Variants in ZFHX3 observed in about 807,000 individuals in gnomAD.
ZFHX3 encodes zinc finger homeobox protein 3.
ZFHX3 carries 42 observed loss-of-function variants against 279.1 expected under a neutral mutation model. The observed-to-expected ratio is 0.15, with a 90% confidence interval of 0.12 to 0.19. The LOEUF (loss-of-function observed/expected upper bound fraction) is 0.19, where lower values mean the gene tolerates loss of function less well. ZFHX3 is among the 10% of genes least tolerant of loss of function. ZFHX3 has a pLI of 1.00. For missense variants in ZFHX3, 4,981 were observed against 4,754.0 expected (o/e 1.05, Z -1.40); for synonymous variants, 2,293 against 1,957.8 (o/e 1.17, Z -4.52).
chr16:73,305,397 C>A (rs1567445374), intron 4 of ZFHX3, among the ~76,000 whole-genome samples: 2 of 152,080 alleles, frequency 1.3e-5, no homozygotes, highest in South Asian at 2.1e-4. Context: ...AGATACCGGG[C>A]AATCAGTCCA....
intron 3 of ZFHX3, among the ~76,000 whole-genome samples, chr16:73,324,368 T>C (rs946800418): frequency 1.3e-5 from 2 of 152,232 alleles, no homozygotes; most frequent in African/African-American, 4.8e-5. Flanking sequence ...TGTGGTAGAC[T>C]TGACTACAGT....
intron 4 of ZFHX3, among the ~76,000 whole-genome samples, chr16:73,278,214 T>C (rs1201437282): frequency 6.6e-6 from 1 of 152,248 alleles, no homozygotes; most frequent in African/African-American, 2.4e-5. Flanking sequence ...ATAATTATAC[T>C]GATATTCTCC....
chr16:73,361,907 C>T (rs1384743028), intron 3 of ZFHX3, among the ~76,000 whole-genome samples: 1 of 152,142 alleles, frequency 6.6e-6, no homozygotes, highest in Non-Finnish European at 1.5e-5. Context: ...TCAACACTGA[C>T]ATGGTCTGAA....
At chr16:73,409,003 G>A (rs2017416881) in intron 3 of ZFHX3, among the ~76,000 whole-genome samples, 1 of 152,132 alleles carries the variant, frequency 6.6e-6, no homozygotes, top group Non-Finnish European at 1.5e-5. Flanking sequence ...GACTCCCACT[G>A]TTAGTTTAAA....
At chr16:73,531,396 A>T (rs2019799448) in intron 2 of ZFHX3, among the ~76,000 whole-genome samples, 1 of 152,142 alleles carries the variant, frequency 6.6e-6, no homozygotes, top group Non-Finnish European at 1.5e-5. Context: ...ATTTTTATGC[A>T]GGAATTGTCT....
intron 4 of ZFHX3, among the ~76,000 whole-genome samples, chr16:73,263,116 C>T (rs1157978390): frequency 2.6e-5 from 4 of 151,848 alleles, no homozygotes; most frequent in African/African-American, 7.3e-5. Context: ...TGTTACACAG[C>T]GAAAGCTAAC....
intron 5 of ZFHX3, among the ~76,000 whole-genome samples, chr16:73,225,674 G>C (rs1408100405): frequency 6.6e-6 from 1 of 152,112 alleles, no homozygotes; most frequent in African/African-American, 2.4e-5. Flanking sequence ...GTTCAGGTAG[G>C]GGTACTGAAG....
At chr16:73,671,615 G>C (rs544829816) in intron 2 of ZFHX3, among the ~76,000 whole-genome samples, 1 of 152,344 alleles carries the variant, frequency 6.6e-6, no homozygotes, top group East Asian at 1.9e-4. Context: ...ACATGTACAT[G>C]GGAGCTGGGA....
chr16:73,194,245 G>T (rs1327031882), intron 5 of ZFHX3, among the ~76,000 whole-genome samples: 1 of 152,014 alleles, frequency 6.6e-6, no homozygotes, highest in Non-Finnish European at 1.5e-5. Flanking sequence ...TGTCACCCAG[G>T]CTGGAGTGCA....
chr16:73,272,300 T>A (rs1047484753), intron 4 of ZFHX3, among the ~76,000 whole-genome samples: 19 of 152,336 alleles, frequency 1.2e-4, no homozygotes, highest in African/African-American at 4.3e-4. Flanking sequence ...TTCTATATTT[T>A]TCTCTCCCAG....
chr16:73,789,623 C>T (rs1334737416), intron 1 of ZFHX3, among the ~76,000 whole-genome samples: 1 of 152,142 alleles, frequency 6.6e-6, no homozygotes, highest in African/African-American at 2.4e-5. Context: ...ACAGATATGT[C>T]AAAATCAGAT....
chr16:73,424,616 T>C (rs971710311), intron 3 of ZFHX3, among the ~76,000 whole-genome samples: 1 of 151,862 alleles, frequency 6.6e-6, no homozygotes, highest in Non-Finnish European at 1.5e-5. Context: ...TGGTGAGGCA[T>C]GGTGGTCCAT....
chr16:73,760,394 T>C (rs1402605787), intron 1 of ZFHX3, among the ~76,000 whole-genome samples: 2 of 152,166 alleles, frequency 1.3e-5, no homozygotes, highest in Non-Finnish European at 2.9e-5. Flanking sequence ...TCTGAAACTA[T>C]TCCAAACAAT....
chr16:73,769,566 G>A lies in ZFHX3; in HGVS notation c.-1607-89326C>T, dbSNP rs183895555. 2.6e-5 allele frequency among the ~76,000 whole-genome samples: 4 copies of A among 152,172 alleles called. No homozygotes were observed. The East Asian group carries it at 7.7e-4, about 29-fold the overall frequency. On this transcript the variant is annotated intron_variant, in intron 1 of 17. Coordinates refer to the ZFHX3 transcript ENST00000641206. Reference sequence around the variant, plus strand: ...GAATTCCAGATTAGGCAGTTATTTGGTTTTCTACAAATACAGAAAATCAAT... The same window carrying A: ...GAATTCCAGATTAGGCAGTTATTTGATTTTCTACAAATACAGAAAATCAAT...
intron 4 of ZFHX3, among the ~76,000 whole-genome samples, chr16:72,834,115 C>T (rs1293990922): frequency 6.6e-6 from 1 of 152,096 alleles, no homozygotes; most frequent in African/African-American, 2.4e-5. Flanking sequence ...GGTGTGATGG[C>T]ACATGCTTGT....
chr16:73,415,096 G>A (rs991191027), intron 3 of ZFHX3, among the ~76,000 whole-genome samples: 2 of 151,694 alleles, frequency 1.3e-5, no homozygotes, highest in African/African-American at 4.8e-5. Context: ...GTTCCCTTTT[G>A]TAGTTCCAAA....
At chr16:73,726,225 C>T (rs560757644) in intron 1 of ZFHX3, among the ~76,000 whole-genome samples, 1 of 152,202 alleles carries the variant, frequency 6.6e-6, no homozygotes, top group African/African-American at 2.4e-5. Context: ...TTCCTTCCAA[C>T]ACAGTGGGGC....
intron 1 of ZFHX3, among the ~76,000 whole-genome samples, chr16:73,839,959 C>A: frequency 6.6e-6 from 1 of 152,212 alleles, no homozygotes; most frequent in Non-Finnish European, 1.5e-5. Context: ...ATTTCCCATT[C>A]CTGGACCCAT....
At chr16:73,830,371 C>G (rs1223676541) in intron 1 of ZFHX3, among the ~76,000 whole-genome samples, 1 of 151,738 alleles carries the variant, frequency 6.6e-6, no homozygotes, top group Non-Finnish European at 1.5e-5. Context: ...TCTTCTGCGT[C>G]GCTCACGCTG....
Sources: gnomAD v4.1 joint callset for allele counts (sites outside exome capture counted in the v4.1 genomes callset) on GRCh38, gnomAD v4.1.1 for gene constraint, MANE v1.5 for transcripts, NCBI Gene and HGNC (gene_info 2026-07-23, HGNC 2026-07-21) for gene names.